The following CACNG3 variants were observed in gnomAD, a reference collection of about 807,000 sequenced individuals.
CACNG3 encodes voltage-dependent calcium channel gamma-3 subunit.
Under a neutral mutation model 28.5 loss-of-function variants are expected in CACNG3, and 3 were observed. The ratio of observed to expected loss-of-function variants is 0.11; its 90% CI spans 0.05 to 0.27. The LOEUF is 0.27. CACNG3 is among the 10% of genes least tolerant of loss of function. The pLI is 1.00. For synonymous variants in CACNG3, 174 were observed against 162.2 expected (o/e 1.07, Z -0.55); for missense variants, 236 against 414.4 (o/e 0.57, Z 3.74).
At chr16:24,308,140 A>G (rs571890466) in intron 1 of CACNG3, among the ~76,000 whole-genome samples, 1 of 152,302 alleles carries the variant, frequency 6.6e-6, no homozygotes, top group East Asian at 1.9e-4. Context: ...AGGATCTTTG[A>G]CTGTGGATAC....
chr16:24,355,077 A>G (rs916058317), intron 3 of CACNG3, 104 bp downstream of exon 3: 1 of 1,134,404 alleles, frequency 8.8e-7, no homozygotes, highest in African/African-American at 1.5e-5. Flanking sequence ...GGGAAGGAGC[A>G]AGAAAATGTT....
At position 24,327,688 on chromosome 16, in the gene CACNG3, T is replaced by G. The variant is rs139854084; in HGVS notation, c.212-19046T>G. On this transcript the variant is annotated intron_variant, in intron 1 of 3. Coordinates refer to ENST00000005284, the MANE Select transcript of CACNG3 (RefSeq NM_006539.4). The stretch of plus-strand genomic sequence containing the variant: ...CGGGTGCAGTGGCTCATGCCTGTAA[T>G]CCCAATGCTTTGGGGGGCTGAGACA... 1.9e-3 allele frequency among the ~76,000 whole-genome samples: 294 copies of G among 151,380 alleles called. 1 individual carries two copies. Among genetic ancestry groups the G allele is most frequent in the African/African-American group, 6.9e-3 (283 of 41,210 alleles).
At chr16:24,267,459 A>T (rs900826881) in intron 1 of CACNG3, among the ~76,000 whole-genome samples, 2 of 151,906 alleles carry the variant, frequency 1.3e-5, no homozygotes, top group African/African-American at 2.4e-5. Context: ...AGCTATTTTT[A>T]AAATTTTTTG....
At position 24,323,213 on chromosome 16, in the gene CACNG3, A is replaced by C. The variant is rs1372233641; in HGVS notation, c.212-23521A>C. Among the ~76,000 whole-genome samples the C allele has an allele frequency of 2.4e-5, 3 of 125,150 alleles. No homozygotes were observed. The Admixed American group carries it at 2.6e-4, about 11-fold the overall frequency. The allele number at this position is 125,150 out of a possible 152,430, so 82.1% of individuals were successfully genotyped here. Reference sequence around the variant, plus strand: ...CTACATTCAGCCTGGGCCACAGAGCAGGACTCAAAAAAAAAAAAAAAAAAA... The same window carrying C: ...CTACATTCAGCCTGGGCCACAGAGCCGGACTCAAAAAAAAAAAAAAAAAAA... On this transcript the variant is annotated intron_variant, in intron 1 of 3. Transcript: ENST00000005284.
At chr16:24,264,291 G>A (rs1257276827) in intron 1 of CACNG3, among the ~76,000 whole-genome samples, 4 of 152,332 alleles carry the variant, frequency 2.6e-5, no homozygotes, top group Admixed American at 2.0e-4. Flanking sequence ...CCTTGGTTCC[G>A]AACTGACTCT....
intron 1 of CACNG3, among the ~76,000 whole-genome samples, chr16:24,266,421 A>G (rs1213867835): frequency 6.6e-6 from 1 of 152,216 alleles, no homozygotes; most frequent in Non-Finnish European, 1.5e-5. Context: ...AAAATGTTAC[A>G]AATCACAAAG....
At chr16:24,347,349 A>G (rs1303488880) in intron 2 of CACNG3, among the ~76,000 whole-genome samples, 1 of 152,046 alleles carries the variant, frequency 6.6e-6, no homozygotes. Flanking sequence ...AGAAAAGGAG[A>G]ATGAGAATGA....
At chr16:24,317,190 T>C (rs114523491) in intron 1 of CACNG3, among the ~76,000 whole-genome samples, 3,636 of 152,164 alleles carry the variant, frequency 0.024, 124 homozygotes, top group African/African-American at 0.073. Context: ...ATTTTCCAAT[T>C]GAGGAAACTG....
At chr16:24,311,251 C>T (rs571044147) in intron 1 of CACNG3, among the ~76,000 whole-genome samples, 37 of 152,202 alleles carry the variant, frequency 2.4e-4, no homozygotes, top group Admixed American at 3.9e-4. Flanking sequence ...TGGCTCACGC[C>T]TGTAATCCCA....
chr16:24,361,749 C>G lies in CACNG3; in HGVS notation c.834C>G (p.Thr278=). The change falls in exon 4 of 4, where the codon ACC becomes ACG. Residue 278 remains threonine (T), a synonymous_variant. Transcript: ENST00000005284. This position sits in a 1 kb window ranked among gnomAD's most constrained non-coding sequence, Gnocchi z 6.8. ...SRDPSKITMG[T]LLNSDRDHAF... ...ACCCCTCAAAGATCACCATGGGGAC[C>G]CTCCTCAACTCCGACCGGGACCACG... The G allele has an allele frequency of 6.2e-7, 1 of 1,613,938 alleles. No individual in the cohort carries two copies. Among genetic ancestry groups the G allele is most frequent in the Non-Finnish European group, 8.5e-7 (1 of 1,179,988 alleles).
intron 1 of CACNG3, among the ~76,000 whole-genome samples, chr16:24,278,157 G>A (rs1488972292): frequency 2.0e-5 from 3 of 152,122 alleles, no homozygotes; most frequent in Non-Finnish European, 2.9e-5. Flanking sequence ...AGTATGATGT[G>A]GAAGGAGGTA....
chr16:24,285,727 T>C (rs1898883784), intron 1 of CACNG3, among the ~76,000 whole-genome samples: 2 of 151,796 alleles, frequency 1.3e-5, no homozygotes, highest in South Asian at 2.1e-4. Flanking sequence ...AATATGTATA[T>C]ATAATTTAAA....
chr16:24,354,652 A>G (rs1159585555), intron 2 of CACNG3, among the ~76,000 whole-genome samples, 181 bp from the exon 3 acceptor site: 1 of 152,168 alleles, frequency 6.6e-6, no homozygotes, highest in Non-Finnish European at 1.5e-5. Flanking sequence ...CAGAGCATCA[A>G]CCCCAAGTGC....
At chr16:24,268,021 C>T (rs540323855) in intron 1 of CACNG3, among the ~76,000 whole-genome samples, 49 of 152,246 alleles carry the variant, frequency 3.2e-4, no homozygotes, top group African/African-American at 1.2e-3. Flanking sequence ...AACAGACACA[C>T]GCTAGATGCC....
chr16:24,272,657 G>A (rs1026141252), intron 1 of CACNG3, among the ~76,000 whole-genome samples: 12 of 151,570 alleles, frequency 7.9e-5, no homozygotes, highest in Admixed American at 2.6e-4. Flanking sequence ...AATCATGCAC[G>A]TTATTTTACA....
intron 1 of CACNG3, among the ~76,000 whole-genome samples, chr16:24,342,861 G>T (rs1899810276): frequency 6.6e-6 from 1 of 151,776 alleles, no homozygotes; most frequent in African/African-American, 2.4e-5. Flanking sequence ...CTGTACAAAC[G>T]TGGGTAGTAG....
chr16:24,354,008 C>A (rs1342906126), intron 2 of CACNG3, among the ~76,000 whole-genome samples: 1 of 152,070 alleles, frequency 6.6e-6, no homozygotes. Context: ...GCCTGGGTAA[C>A]TTGGTGAGAT....
At chr16:24,260,432 T>C (rs950034456) in intron 1 of CACNG3, among the ~76,000 whole-genome samples, 65 of 152,150 alleles carry the variant, frequency 4.3e-4, no homozygotes, top group Admixed American at 2.9e-3. Flanking sequence ...GTTGTGTAGG[T>C]ACTATTATTA....
intron 1 of CACNG3, among the ~76,000 whole-genome samples, chr16:24,277,463 G>C (rs866231900): frequency 7.2e-5 from 11 of 152,130 alleles, no homozygotes; most frequent in Non-Finnish European, 2.9e-5. Context: ...GGAGTACCGA[G>C]GTTGAGAATC....
Sources: allele counts gnomAD v4.1 joint callset (sites outside exome capture counted in the v4.1 genomes callset), GRCh38; gene constraint gnomAD v4.1.1; non-coding constraint Gnocchi (gnomAD v3.1); transcripts MANE v1.5; gene names NCBI Gene and HGNC (gene_info 2026-07-23, HGNC 2026-07-21).